The following DACH1 variants were observed in gnomAD, a reference collection of about 807,000 sequenced individuals.
The protein encoded by DACH1 is dachshund homolog 1.
DACH1 carries 12 observed loss-of-function variants against 54.2 expected under a neutral mutation model. The observed-to-expected ratio is 0.22, with a 90% CI of 0.14 to 0.36. The LOEUF (loss-of-function observed/expected upper bound fraction) is 0.36, where lower values mean the gene tolerates loss of function less well. DACH1 is among the 10% of genes least tolerant of loss of function. The pLI, the probability that DACH1 is intolerant of heterozygous loss-of-function variation, is 1.00. For synonymous variants in DACH1, 386 were observed against 366.2 expected, an observed-to-expected ratio of 1.05 and a Z score of -0.62; for missense variants, 805 against 929.8, an observed-to-expected ratio of 0.87 and a Z score of 1.75.
At chr13:71,844,496 G>A (rs959117243) in intron 1 of DACH1, among the ~76,000 whole-genome samples, 1 of 152,128 alleles carries the variant, frequency 6.6e-6, no homozygotes. Context: ...ATATTTTATA[G>A]AAATACTATA....
chr13:71,757,433 G>C (rs1011114311), intron 1 of DACH1, among the ~76,000 whole-genome samples: 1 of 151,856 alleles, frequency 6.6e-6, no homozygotes, highest in Non-Finnish European at 1.5e-5. Flanking sequence ...AACCTCTGTA[G>C]GGACCATTTT....
chr13:71,606,556 G>A (rs1038077853), intron 3 of DACH1, among the ~76,000 whole-genome samples: 4 of 151,934 alleles, frequency 2.6e-5, no homozygotes, highest in African/African-American at 7.2e-5. Flanking sequence ...TTTATGTTGT[G>A]GAAAATTGGT....
At chr13:71,858,925 C>T (rs1325807506) in intron 1 of DACH1, among the ~76,000 whole-genome samples, 2 of 151,576 alleles carry the variant, frequency 1.3e-5, no homozygotes, top group African/African-American at 4.8e-5. Context: ...CTGTATCTCT[C>T]TCTCTGTGTG....
chr13:71,567,556 T>C (rs1275539264), intron 4 of DACH1, among the ~76,000 whole-genome samples: 1 of 151,980 alleles, frequency 6.6e-6, no homozygotes, highest in Non-Finnish European at 1.5e-5. Context: ...AAACAAATGA[T>C]TTTGGATACT....
At position 71,557,021 on chromosome 13, in the gene DACH1, T is replaced by C. The variant is rs1884295954; in HGVS notation, c.1570+3A>G. ...AAACAAGGAATATATAATCATACAT[T>C]ACCTTTTTCAATATGCATCCTTTTT... On this transcript the variant is annotated splice_donor_region_variant and intron_variant, in intron 6 of 10. Transcript: ENST00000613252. 6.3e-7 allele frequency: 1 copy of C among 1,596,838 alleles called. No homozygotes were observed. Among genetic ancestry groups the C allele is most frequent in the South Asian group, 1.1e-5 (1 of 88,234 alleles).
chr13:71,779,196 CGTATATAT>C lies in DACH1; in HGVS notation c.848+86718_848+86725del, dbSNP rs1256170148. On this transcript the variant is annotated intron_variant, in intron 1 of 10. Transcript: ENST00000613252. Reference sequence around the variant, plus strand: ...ATATATACACATATATACGTATATACGTATATATGTGTATATATATACGTATATACGTA... The same window carrying C: ...ATATATACACATATATACGTATATACGTGTATATATATACGTATATACGTA... Among the ~76,000 whole-genome samples the C allele has an allele frequency of 1.2e-4, 14 of 117,712 alleles. No individual in the cohort carries two copies. The East Asian group carries it at 2.4e-3, about 20-fold the overall frequency. The allele number at this position is 117,712 out of a possible 152,430, so 77.2% of individuals were successfully genotyped here.
intron 6 of DACH1, among the ~76,000 whole-genome samples, chr13:71,555,943 G>A (rs2138372922): frequency 6.6e-6 from 1 of 152,100 alleles, no homozygotes; most frequent in East Asian, 1.9e-4. Context: ...CTAGATTATT[G>A]TTTTCTCTCT....
chr13:71,646,078 C>T (rs373566586), intron 2 of DACH1, among the ~76,000 whole-genome samples: 2 of 152,238 alleles, frequency 1.3e-5, no homozygotes, highest in East Asian at 3.9e-4. Flanking sequence ...TGGCTCATGC[C>T]TGTAATCCCA....
At chr13:71,681,307 G>A (rs1319365269) in intron 2 of DACH1, among the ~76,000 whole-genome samples, 3 of 151,934 alleles carry the variant, frequency 2.0e-5, no homozygotes, top group Non-Finnish European at 4.4e-5. Flanking sequence ...CTTTCAAATG[G>A]GTTCTAATAG....
intron 6 of DACH1, among the ~76,000 whole-genome samples, chr13:71,520,538 CA>C (rs1412345760): frequency 2.1e-5 from 3 of 145,640 alleles, no homozygotes; most frequent in Non-Finnish European, 4.6e-5. Context: ...GTATGTAAAC[CA>C]AAAAATAAAA....
chr13:71,592,935 T>C (rs1873840323), intron 3 of DACH1, among the ~76,000 whole-genome samples: 1 of 152,194 alleles, frequency 6.6e-6, no homozygotes, highest in Non-Finnish European at 1.5e-5. Flanking sequence ...AACATTTATA[T>C]AATGGTTTCA....
chr13:71,546,792 C>A (rs1883492466), intron 6 of DACH1, among the ~76,000 whole-genome samples: 1 of 151,776 alleles, frequency 6.6e-6, no homozygotes, highest in Non-Finnish European at 1.5e-5. Context: ...AAGCTTAGAC[C>A]AAAAGCACTA....
At chr13:71,483,142 A>G (rs1878192856) in intron 7 of DACH1, among the ~76,000 whole-genome samples, 1 of 151,852 alleles carries the variant, frequency 6.6e-6, no homozygotes, top group African/African-American at 2.4e-5. Flanking sequence ...AACAAAATAT[A>G]ATACCATACT....
intron 1 of DACH1, among the ~76,000 whole-genome samples, chr13:71,853,428 A>G (rs1488947166): frequency 1.3e-5 from 2 of 152,198 alleles, no homozygotes; most frequent in South Asian, 2.1e-4. Context: ...ATTAATGTAC[A>G]TTAACCAATT....
intron 7 of DACH1, among the ~76,000 whole-genome samples, chr13:71,485,808 C>T (rs1878454856): frequency 6.6e-6 from 1 of 151,542 alleles, no homozygotes; most frequent in African/African-American, 2.4e-5. Flanking sequence ...GTCTCAATCT[C>T]TGGACCTTGA....
At position 71,759,212 on chromosome 13, in the gene DACH1, TA is replaced by T. The variant is rs541567222; in HGVS notation, c.849-77303del. 2.7e-3 allele frequency among the ~76,000 whole-genome samples: 396 copies of T among 146,952 alleles called. 2 individuals are homozygous for T. The highest frequency in any genetic ancestry group is 8.8e-3 in the South Asian group (41 of 4,634). The stretch of plus-strand genomic sequence containing the variant: ...TCATCTGATTAACTATTTTTGTCCC[TA>T]AAAAAAAAAGATAGGCATTTATAGT... On this transcript the variant is annotated intron_variant, in intron 1 of 10. Transcript: ENST00000613252.
At chr13:71,540,341 T>C (rs1207841040) in intron 6 of DACH1, among the ~76,000 whole-genome samples, 2 of 152,106 alleles carry the variant, frequency 1.3e-5, no homozygotes. Context: ...TTCACTTTCC[T>C]GCTCAGTGGT....
chr13:71,810,997 T>A (rs1483867035), intron 1 of DACH1, among the ~76,000 whole-genome samples: 1 of 152,054 alleles, frequency 6.6e-6, no homozygotes, highest in African/African-American at 2.4e-5. Flanking sequence ...ACCAGAACAT[T>A]TTTTTTCAAT....
chr13:71,803,360 G>T (rs759186913), intron 1 of DACH1, among the ~76,000 whole-genome samples: 1 of 151,976 alleles, frequency 6.6e-6, no homozygotes, highest in Non-Finnish European at 1.5e-5. Flanking sequence ...TATATTTTTT[G>T]ATGCGTTTAA....
Sources: allele counts gnomAD v4.1 joint callset (sites outside exome capture counted in the v4.1 genomes callset), GRCh38; gene constraint gnomAD v4.1.1; transcripts MANE v1.5; gene names NCBI Gene and HGNC (gene_info 2026-07-23, HGNC 2026-07-21).